The following CDK14 variants were observed in gnomAD, a reference collection of about 807,000 sequenced individuals.
CDK14 encodes cyclin-dependent kinase 14.
CDK14 carries 34 observed loss-of-function variants against 60.7 expected under a neutral mutation model. The observed-to-expected ratio is 0.56, with a 90% CI of 0.43 to 0.75. CDK14 has a LOEUF of 0.75. Among genes scored for constraint, CDK14 ranks in the 30% least tolerant of loss-of-function variants. CDK14 has a pLI of 0.00. For missense variants in CDK14, 482 were observed against 564.1 expected, an observed-to-expected ratio of 0.85 and a Z score of 1.47; for synonymous variants, 197 against 203.7, an observed-to-expected ratio of 0.97 and a Z score of 0.28.
chr7:90,955,667 A>T (rs1305220314), intron 8 of CDK14, 30 bp from the exon 9 acceptor site: 1 of 1,611,040 alleles, frequency 6.2e-7, no homozygotes, highest in Admixed American at 1.7e-5. Context: ...AATGCCTGTT[A>T]AACTTCTTTA....
chr7:90,651,646 T>A (rs1800644946), intron 2 of CDK14, among the ~76,000 whole-genome samples: 1 of 152,288 alleles, frequency 6.6e-6, no homozygotes, highest in South Asian at 2.1e-4. Flanking sequence ...ACAATTACAG[T>A]GACATGTTTG....
chr7:90,913,127 G>A (rs1792961674), intron 7 of CDK14, among the ~76,000 whole-genome samples: 1 of 152,156 alleles, frequency 6.6e-6, no homozygotes. Context: ...TTTCATAGAA[G>A]ATCAAGTATA....
rs776022770 is a variant in CDK14 at position 91,167,976 on chromosome 7, A to C, written c.*29-39189A>C. On this transcript the variant is annotated intron_variant, in intron 14 of 14. Transcript: ENST00000380050. Reference sequence around the variant, plus strand: ...AGGGTGCTATAACCTAAAAACTGATAATTGGGGCCGGGCATGTTGGCTTAT... The same window carrying C: ...AGGGTGCTATAACCTAAAAACTGATCATTGGGGCCGGGCATGTTGGCTTAT... 3.0e-4 allele frequency among the ~76,000 whole-genome samples: 46 copies of C among 152,092 alleles called. 1 individual carries two copies. The highest frequency in any genetic ancestry group is 1.3e-4 in the Admixed American group (2 of 15,266).
rs536479950 is a variant in CDK14 at position 90,812,002 on chromosome 7, C to T, written c.544+21350C>T. 3.3e-5 allele frequency among the ~76,000 whole-genome samples: 5 copies of T among 152,284 alleles called. No individual in the cohort carries two copies. In the South Asian group the frequency reaches 1.0e-3, roughly 32 times the overall value. ...GAGAGGATGTGGAGAAATAGGAACA[C>T]TTTTACACTGTTGGTGAGACTGTAA... On this transcript the variant is annotated intron_variant, in intron 5 of 14. Transcript: ENST00000380050.
intron 11 of CDK14, among the ~76,000 whole-genome samples, chr7:91,074,669 T>C (rs1798243435): frequency 6.6e-6 from 1 of 151,836 alleles, no homozygotes; most frequent in Non-Finnish European, 1.5e-5. Flanking sequence ...CTGAAGGATA[T>C]GGAGACACAA....
intron 8 of CDK14, among the ~76,000 whole-genome samples, chr7:90,945,117 A>T (rs1794062724): frequency 6.6e-6 from 1 of 152,216 alleles, no homozygotes; most frequent in Non-Finnish European, 1.5e-5. Flanking sequence ...CAAGGTAGTC[A>T]CATGTTCTTT....
intron 2 of CDK14, among the ~76,000 whole-genome samples, chr7:90,691,601 C>G (rs1801553949): frequency 6.6e-6 from 1 of 152,064 alleles, no homozygotes; most frequent in South Asian, 2.1e-4. Flanking sequence ...GATGGGAAAC[C>G]ATTGGAAGTT....
At chr7:90,765,706 A>G (rs901762083) in intron 4 of CDK14, among the ~76,000 whole-genome samples, 9 of 152,036 alleles carry the variant, frequency 5.9e-5, no homozygotes, top group African/African-American at 2.2e-4. Flanking sequence ...TAAAATACAT[A>G]TAAGCTACTC....
chr7:91,194,910 A>G (rs574988071), intron 14 of CDK14, among the ~76,000 whole-genome samples: 4 of 152,286 alleles, frequency 2.6e-5, no homozygotes, highest in African/African-American at 9.6e-5. Flanking sequence ...TCTGCCACAA[A>G]TGAACAGTAA....
At chr7:90,636,172 T>C (rs912829017) in intron 2 of CDK14, among the ~76,000 whole-genome samples, 15 of 151,716 alleles carry the variant, frequency 9.9e-5, no homozygotes, top group African/African-American at 3.6e-4. Flanking sequence ...CAACACTATG[T>C]TGAATAGGAG....
At chr7:90,884,548 T>G (rs1791879436) in intron 6 of CDK14, among the ~76,000 whole-genome samples, 1 of 152,194 alleles carries the variant, frequency 6.6e-6, no homozygotes, top group Non-Finnish European at 1.5e-5. Flanking sequence ...CCCATCAATC[T>G]ACCACTGACA....
Position 90,871,560 on chromosome 7 carries a change from A to G in CDK14, c.639+8291A>G, listed in dbSNP as rs3779566. On this transcript the variant is annotated intron_variant, in intron 6 of 14. Transcript: ENST00000380050. The stretch of plus-strand genomic sequence containing the variant: ...GGCTTAATTCTTAGAAGAATGCTCA[A>G]TTATGTGTTTTCTGTAAATTATGTT... Among the ~76,000 whole-genome samples, 809 of 152,314 alleles carry G rather than the reference A, an allele frequency of 5.3e-3. 7 individuals are homozygous for G. Among genetic ancestry groups the G allele is most frequent in the African/African-American group, 0.018 (760 of 41,572 alleles).
intron 4 of CDK14, among the ~76,000 whole-genome samples, chr7:90,769,175 A>G (rs868744207): frequency 1.4e-4 from 21 of 152,292 alleles, no homozygotes; most frequent in African/African-American, 4.8e-4. Flanking sequence ...CTGGGCTAGC[A>G]TTTGTATCTA....
intron 4 of CDK14, among the ~76,000 whole-genome samples, chr7:90,781,805 T>A (rs1255970640): frequency 1.3e-5 from 2 of 152,088 alleles, no homozygotes; most frequent in South Asian, 2.1e-4. Context: ...TACCATGCTG[T>A]TTTGGTTACT....
At chr7:90,997,408 A>C (rs905576082) in intron 10 of CDK14, among the ~76,000 whole-genome samples, 4 of 152,192 alleles carry the variant, frequency 2.6e-5, no homozygotes, top group Admixed American at 6.5e-5. Context: ...TGAAGTTAGA[A>C]CCAAAGTTTA....
chr7:90,692,731 A>T (rs1309946985), intron 2 of CDK14: 1 of 843,238 alleles, frequency 1.2e-6, no homozygotes, highest in African/African-American at 1.8e-5. Context: ...TCCAAAGGAT[A>T]CTTTTAAAGT....
chr7:90,823,312 GTTGATT>G (rs1789614675), intron 5 of CDK14, among the ~76,000 whole-genome samples: 1 of 152,184 alleles, frequency 6.6e-6, no homozygotes, highest in Non-Finnish European at 1.5e-5. Context: ...ATAAAGAATA[GTTGATT>G]TTGAGTTTCG....
chr7:91,185,790 G>A (rs1013499683), intron 14 of CDK14, among the ~76,000 whole-genome samples: 1 of 151,928 alleles, frequency 6.6e-6, no homozygotes, highest in Non-Finnish European at 1.5e-5. Flanking sequence ...CAGTTCGGGG[G>A]TTTTTAGTGT....
intron 5 of CDK14, among the ~76,000 whole-genome samples, chr7:90,861,361 G>A (rs1369875451): frequency 2.0e-5 from 3 of 152,146 alleles, no homozygotes; most frequent in Non-Finnish European, 2.9e-5. Flanking sequence ...ATACCTTCAA[G>A]AGCATTAAGA....
Sources: allele counts gnomAD v4.1 joint callset (sites outside exome capture counted in the v4.1 genomes callset), GRCh38; gene constraint gnomAD v4.1.1; transcripts MANE v1.5; gene names NCBI Gene and HGNC (gene_info 2026-07-23, HGNC 2026-07-21).